The following STK31 variants were observed in gnomAD, a reference collection of about 807,000 sequenced individuals.
STK31 encodes serine/threonine kinase 31, also known as serine/threonine-protein kinase 31.
In STK31, 89 loss-of-function variants were observed where a neutral mutation model predicts 129.7. The observed-to-expected ratio is 0.69, with a 90% CI of 0.58 to 0.82. The LOEUF is 0.82. STK31 is among the 40% of genes least tolerant of loss of function. STK31 has a pLI of 0.00. For synonymous variants in STK31, 448 were observed against 395.3 expected (o/e 1.13, Z -1.58); for missense variants, 1,187 against 1,176.4 (o/e 1.01, Z -0.13).
intron 18 of STK31, 146 bp from the exon 19 acceptor site, chr7:23,786,359 AAAG>A: frequency 2.3e-6 from 2 of 857,170 alleles, no homozygotes; most frequent in Non-Finnish European, 3.1e-6. Flanking sequence ...TATAGCATTC[AAAG>A]AAGATAGAAA....
intron 22 of STK31, among the ~76,000 whole-genome samples, chr7:23,794,310 A>T (rs954796779): frequency 1.3e-5 from 2 of 152,130 alleles, no homozygotes; most frequent in African/African-American, 4.8e-5. Context: ...TTTGCTTGGC[A>T]CTTCTTGCTG....
At chr7:23,720,254 A>G (rs1786610614) in intron 4 of STK31, among the ~76,000 whole-genome samples, 1 of 152,212 alleles carries the variant, frequency 6.6e-6, no homozygotes, top group Non-Finnish European at 1.5e-5. Context: ...GATTTTGAAA[A>G]CAAACAATTT....
At chr7:23,800,558 T>G (rs951364087) in intron 22 of STK31, among the ~76,000 whole-genome samples, 1 of 151,252 alleles carries the variant, frequency 6.6e-6, no homozygotes, top group African/African-American at 2.4e-5. Flanking sequence ...TGAGAACATA[T>G]GGACACAGGG....
intron 22 of STK31, among the ~76,000 whole-genome samples, chr7:23,802,541 T>G (rs73689525): frequency 0.01 from 1,565 of 152,222 alleles, 36 homozygotes; most frequent in African/African-American, 0.035. Context: ...TAAGACGCAG[T>G]CTCACTCTGT....
At chr7:23,752,896 T>C in intron 9 of STK31, 64 bp downstream of exon 9, 1 of 1,111,632 alleles carries the variant, frequency 9.0e-7, no homozygotes. Flanking sequence ...TGGTGCTTTG[T>C]TTAAATTGTG....
intron 7 of STK31, 70 bp downstream of exon 7, chr7:23,735,966 G>A: frequency 7.6e-7 from 1 of 1,311,394 alleles, no homozygotes; most frequent in Non-Finnish European, 1.0e-6. Context: ...TAGAAGTTAA[G>A]GCTTATGCTT....
intron 8 of STK31, among the ~76,000 whole-genome samples, chr7:23,737,844 T>TA (rs752872718): frequency 1.3e-5 from 2 of 148,204 alleles, no homozygotes; most frequent in Non-Finnish European, 3.0e-5. Flanking sequence ...CCCCCAGGGA[T>TA]ACAGTGTGGT....
At chr7:23,808,532 C>T (rs141535994) in intron 22 of STK31, among the ~76,000 whole-genome samples, 2 of 152,084 alleles carry the variant, frequency 1.3e-5, no homozygotes, top group African/African-American at 4.8e-5. Flanking sequence ...TACTACTTCA[C>T]ACTGCTTTGT....
rs201160478 is a variant in STK31, at chr7:23,730,856, TTATATA to T, written c.483+1625_483+1630del. ...TATATATGGTACTGTATATAAACAT[TTATATA>T]TATATATATATATATATTTTTTTTT... is the stretch of plus-strand genomic sequence containing the variant. On this transcript the variant is annotated intron_variant, in intron 6 of 23. Coordinates refer to ENST00000355870, the MANE Select transcript of STK31 (RefSeq NM_031414.5). Among the ~76,000 whole-genome samples the T allele has an allele frequency of 1.2e-3, 90 of 75,214 alleles. 2 individuals are homozygous for T. Among genetic ancestry groups the T allele is most frequent in the Admixed American group, 1.4e-3 (7 of 4,910 alleles). 49.3% of individuals were successfully genotyped at this position (75,214 alleles called of 152,430 possible). A position where few individuals can be genotyped will look rare whatever the true frequency, so the allele number is the denominator to read the frequency against.
chr7:23,793,623 A>G (rs1009320119), intron 22 of STK31, among the ~76,000 whole-genome samples: 4 of 152,240 alleles, frequency 2.6e-5, no homozygotes, highest in Non-Finnish European at 5.9e-5. Flanking sequence ...GCATGTAAGC[A>G]TGTGAAAGAT....
chr7:23,710,582 CCACACTCT>C (rs1343081578), intron 1 of STK31: 2 of 1,363,238 alleles, frequency 1.5e-6, no homozygotes, highest in African/African-American at 2.9e-5. Flanking sequence ...CACGCAGCCT[CCACACTCT>C]CTTCCCCTTC....
At chr7:23,724,079 G>GAT (rs760941331) in intron 4 of STK31, among the ~76,000 whole-genome samples, 3 of 152,294 alleles carry the variant, frequency 2.0e-5, no homozygotes, top group East Asian at 3.9e-4. Flanking sequence ...GTTACAGAGA[G>GAT]ATAAACAATT....
At chr7:23,762,693 T>A in intron 10 of STK31, 108 bp from the exon 11 acceptor site, 1 of 1,319,936 alleles carries the variant, frequency 7.6e-7, no homozygotes, top group Non-Finnish European at 1.0e-6. Flanking sequence ...AGTGCTATAA[T>A]GTTTGGAGAA....
intron 16 of STK31, 34 bp downstream of exon 16, chr7:23,781,554 GT>G (rs765017586): frequency 9.2e-5 from 136 of 1,479,266 alleles, no homozygotes; most frequent in Non-Finnish European, 1.2e-4. Flanking sequence ...TTTACATTAG[GT>G]TTTACTCTAG....
intron 22 of STK31, among the ~76,000 whole-genome samples, chr7:23,804,337 A>T (rs376123221): frequency 1.3e-5 from 2 of 151,982 alleles, no homozygotes; most frequent in African/African-American, 4.8e-5. Context: ...GTCTGCTTCT[A>T]CCACTCGAGT....
chr7:23,710,173 G>C, upstream of STK31: 1 of 1,578,008 alleles, frequency 6.3e-7, no homozygotes, highest in South Asian at 1.1e-5. Flanking sequence ...CGCTAACACC[G>C]GATGATGGCG....
At chr7:23,808,011 C>T (rs557646010) in intron 22 of STK31, among the ~76,000 whole-genome samples, 1 of 151,664 alleles carries the variant, frequency 6.6e-6, no homozygotes, top group Non-Finnish European at 1.5e-5. Flanking sequence ...CAGATAATCA[C>T]AACATCTGTT....
chr7:23,792,493 A>T (rs972597514), intron 22 of STK31, among the ~76,000 whole-genome samples: 19 of 152,304 alleles, frequency 1.2e-4, no homozygotes, highest in Non-Finnish European at 2.4e-4. Flanking sequence ...GCGATACACC[A>T]TGCTCATGGA....
chr7:23,787,141 C>T (rs1483307731), intron 20 of STK31, among the ~76,000 whole-genome samples: 3 of 152,104 alleles, frequency 2.0e-5, no homozygotes, highest in Non-Finnish European at 4.4e-5. Flanking sequence ...GTCCGTTAGC[C>T]AGAGGTAGAG....
Sources: allele counts gnomAD v4.1 joint callset (sites outside exome capture counted in the v4.1 genomes callset), GRCh38; gene constraint gnomAD v4.1.1; transcripts MANE v1.5; gene names NCBI Gene and HGNC (gene_info 2026-07-23, HGNC 2026-07-21).